The following MYRIP variants were observed in gnomAD, a reference collection of about 807,000 sequenced individuals.
MYRIP encodes the protein myosin VIIA and Rab interacting protein.
A neutral mutation model predicts 98.0 loss-of-function variants in MYRIP; 49 were observed. The observed-to-expected ratio is 0.50, with a 90% confidence interval of 0.40 to 0.63. The LOEUF (loss-of-function observed/expected upper bound fraction) is 0.63, where lower values mean the gene tolerates loss of function less well. Among genes scored for constraint, MYRIP ranks in the 30% least tolerant of loss-of-function variants. The pLI, the probability that MYRIP is intolerant of heterozygous loss-of-function variation, is 0.00. For missense variants in MYRIP, 1,004 were observed against 1,058.2 expected, an observed-to-expected ratio of 0.95 and a Z score of 0.71; for synonymous variants, 404 against 409.5, an observed-to-expected ratio of 0.99 and a Z score of 0.16.
chr3:39,842,882 G>A (rs532503575), intron 1 of MYRIP, among the ~76,000 whole-genome samples: 1 of 152,242 alleles, frequency 6.6e-6, no homozygotes, highest in Non-Finnish European at 1.5e-5. Flanking sequence ...TCTGGGAGCT[G>A]CAGACTGGAG....
chr3:40,166,503 G>A (rs1438743074), intron 5 of MYRIP, among the ~76,000 whole-genome samples: 3 of 151,164 alleles, frequency 2.0e-5, no homozygotes, highest in East Asian at 2.0e-4. Context: ...AGCCAAGGGC[G>A]GGGCTGAAGG....
At chr3:40,109,460 A>G (rs961904174) in intron 3 of MYRIP, among the ~76,000 whole-genome samples, 5 of 152,202 alleles carry the variant, frequency 3.3e-5, no homozygotes, top group Non-Finnish European at 7.3e-5. Context: ...AGATGGGAAC[A>G]GATGAGCCCA....
intron 1 of MYRIP, among the ~76,000 whole-genome samples, chr3:39,890,278 C>A (rs1052791209): frequency 8.6e-5 from 13 of 152,004 alleles, no homozygotes; most frequent in African/African-American, 2.9e-4. Context: ...TCGTGCATGC[C>A]TTTTGGCATA....
chr3:40,233,740 G>A, intron 11 of MYRIP, 119 bp from the exon 12 acceptor site: 1 of 918,390 alleles, frequency 1.1e-6, no homozygotes, highest in South Asian at 1.6e-5. Context: ...ATTGGTGTTT[G>A]TGTGTGGAAT....
chr3:40,131,973 A>C (rs1949654244), intron 3 of MYRIP, among the ~76,000 whole-genome samples: 1 of 152,174 alleles, frequency 6.6e-6, no homozygotes, highest in Admixed American at 6.5e-5. Context: ...GGTTCTCTCC[A>C]TGTAGAAAAG....
In MYRIP at chr3:40,073,258, T is replaced by C. The variant is rs528744000; in HGVS notation, c.332+28987T>C. Among the ~76,000 whole-genome samples the C allele has an allele frequency of 3.8e-3, 577 of 152,238 alleles. 1 individual carries two copies. Among genetic ancestry groups the C allele is most frequent in the Non-Finnish European group, 5.4e-3 (366 of 68,012 alleles). On this transcript the variant is annotated intron_variant, in intron 3 of 16. Transcript: ENST00000302541. Reference sequence around the variant, plus strand: ...GAAAGGATTCCACCAAGAGACCAATTAGTAAAGTAAGCAAAAGGTTTATTA... The same window carrying C: ...GAAAGGATTCCACCAAGAGACCAATCAGTAAAGTAAGCAAAAGGTTTATTA...
At position 39,943,921 on chromosome 3, in the gene MYRIP, G is replaced by A. The variant is rs893439186; in HGVS notation, c.110+42995G>A. ...TTATAGTGGTAGGGTGTGTTTTGCA[G>A]TAGTCATGTGGTCTGGGAAAGAGAG... is the stretch of plus-strand genomic sequence containing the variant. On this transcript the variant is annotated intron_variant, in intron 2 of 16. Transcript: ENST00000302541. Among the ~76,000 whole-genome samples, 29 of 152,090 alleles carry A rather than the reference G, an allele frequency of 1.9e-4. 1 individual carries two copies. Among genetic ancestry groups the A allele is most frequent in the Admixed American group, 6.6e-4 (10 of 15,258 alleles).
chr3:40,154,507 C>G (rs565009631), intron 4 of MYRIP, among the ~76,000 whole-genome samples: 21 of 152,262 alleles, frequency 1.4e-4, no homozygotes, highest in African/African-American at 5.1e-4. Flanking sequence ...GTAACGAGTG[C>G]TCACATGGCT....
At chr3:40,214,322 C>T (rs1299078290) in intron 11 of MYRIP, among the ~76,000 whole-genome samples, 1 of 151,198 alleles carries the variant, frequency 6.6e-6, no homozygotes. Context: ...TGTTTGGGAG[C>T]CAAAGCAGAG....
At chr3:40,023,494 C>G (rs771085079) in intron 2 of MYRIP, among the ~76,000 whole-genome samples, 1 of 104,788 alleles carries the variant, frequency 9.5e-6, no homozygotes, top group Non-Finnish European at 1.9e-5. Flanking sequence ...CAAGCCTGCA[C>G]TCACTCGATG....
chr3:39,850,958 T>C (rs750741644), intron 1 of MYRIP, among the ~76,000 whole-genome samples: 5 of 152,016 alleles, frequency 3.3e-5, no homozygotes, highest in Non-Finnish European at 7.4e-5. Context: ...ACCCGAAGAA[T>C]GTGAAGCAGA....
chr3:40,171,980 G>C (rs1157537893), intron 8 of MYRIP, among the ~76,000 whole-genome samples: 1 of 152,132 alleles, frequency 6.6e-6, no homozygotes, highest in Admixed American at 6.5e-5. Context: ...GCGTGTGCAG[G>C]GGAACTCCCC....
chr3:40,152,375 A>G (rs1398072190), intron 4 of MYRIP, among the ~76,000 whole-genome samples: 10 of 152,074 alleles, frequency 6.6e-5, no homozygotes, highest in Non-Finnish European at 1.2e-4. Context: ...CCAAATTCAG[A>G]TCTCGTAGGT....
rs1433301600 is a variant in MYRIP at position 40,151,051 on chromosome 3, T to C, written c.336T>C (p.Leu112=). Residue 112 remains leucine (L), a synonymous_variant, in exon 4 of 17, where the codon CTT becomes CTC. Transcript: ENST00000302541. ...WVCCVCQQAR[L]LRAQSLEWFY... is the part of the protein sequence containing the mutation. ...TGTCTAATTCTGTTTTCCTCAGGCTTCTGAGGGCCCAATCTCTGGAATGGT... is the reference window on the plus strand; with the variant it reads ...TGTCTAATTCTGTTTTCCTCAGGCTCCTGAGGGCCCAATCTCTGGAATGGT... 3 of 1,583,516 alleles carry C rather than the reference T, an allele frequency of 1.9e-6. No individual in the cohort carries two copies. Among genetic ancestry groups the C allele is most frequent in the Non-Finnish European group, 2.6e-6 (3 of 1,163,896 alleles).
At chr3:40,069,755 A>G (rs959566299) in intron 3 of MYRIP, among the ~76,000 whole-genome samples, 1 of 152,144 alleles carries the variant, frequency 6.6e-6, no homozygotes, top group African/African-American at 2.4e-5. Context: ...TATGGAAGAC[A>G]GTTTTCCCAC....
At chr3:40,090,116 G>A (rs17075579) in intron 3 of MYRIP, among the ~76,000 whole-genome samples, 14,157 of 151,812 alleles carry the variant, frequency 0.093, 756 homozygotes, top group East Asian at 0.22. Flanking sequence ...TAATCAACAT[G>A]TTCAGTTTTA....
intron 1 of MYRIP, among the ~76,000 whole-genome samples, chr3:39,890,084 T>C (rs1943444997): frequency 6.6e-6 from 1 of 152,118 alleles, no homozygotes; most frequent in Non-Finnish European, 1.5e-5. Flanking sequence ...ATTTCATCAT[T>C]TGTTTCATCT....
intron 3 of MYRIP, among the ~76,000 whole-genome samples, chr3:40,083,287 A>G (rs1417741827): frequency 6.6e-6 from 1 of 152,224 alleles, no homozygotes; most frequent in African/African-American, 2.4e-5. Flanking sequence ...GGGATGACAG[A>G]TGTGGCATTA....
At chr3:39,812,000 GAC>G in intron 1 of MYRIP, among the ~76,000 whole-genome samples, 1 of 152,184 alleles carries the variant, frequency 6.6e-6, no homozygotes, top group Non-Finnish European at 1.5e-5. Flanking sequence ...TGTATGCACA[GAC>G]TCTTGCCGGA....
Sources: allele counts gnomAD v4.1 joint callset (sites outside exome capture counted in the v4.1 genomes callset), GRCh38; gene constraint gnomAD v4.1.1; transcripts MANE v1.5; gene names NCBI Gene and HGNC (gene_info 2026-07-23, HGNC 2026-07-21).